The following SLC36A1 variants were observed in gnomAD, a reference collection of about 807,000 sequenced individuals.
SLC36A1 encodes proton-coupled amino acid transporter 1.
Under a neutral mutation model 47.5 loss-of-function variants are expected in SLC36A1, and 30 were observed. That is an observed-to-expected ratio of 0.63 (90% CI 0.47 to 0.86). The LOEUF (loss-of-function observed/expected upper bound fraction) is 0.86, where lower values mean the gene tolerates loss of function less well. Ranked by LOEUF, SLC36A1 falls within the 40% of genes least tolerant of loss-of-function variation. The pLI is 0.00. For missense variants in SLC36A1, 517 were observed against 606.0 expected, an observed-to-expected ratio of 0.85 and a Z score of 1.54; for synonymous variants, 255 against 249.7, an observed-to-expected ratio of 1.02 and a Z score of -0.20.
the SLC36A1 span, chr5:151,510,815 GT>G: frequency 6.6e-6 from 1 of 152,374 alleles, no homozygotes; most frequent in Non-Finnish European, 1.5e-5. Flanking sequence ...AAAGAGAAAG[GT>G]GTTTCAGGCG....
intron 7 of SLC36A1, among the ~76,000 whole-genome samples, chr5:151,469,746 G>T (rs1028892645): frequency 6.6e-6 from 1 of 151,636 alleles, no homozygotes; most frequent in South Asian, 2.1e-4. Context: ...AATACTGGAT[G>T]TATTAGTATT....
chr5:151,476,694 G>A lies in SLC36A1; in HGVS notation c.927G>A (p.Leu309=), dbSNP rs1758104011. 6.2e-7 allele frequency: 1 copy of A among 1,613,522 alleles called. No homozygotes were observed. Among genetic ancestry groups the A allele is most frequent in the Admixed American group, 1.7e-5 (1 of 59,980 alleles). ...TCCTCTACATCAGCCTGGGGTGTCT[G>A]GGGTACCTGCAATTTGGAGCTAATA... ...VTILYISLGC[L]GYLQFGANIQ... The change falls in exon 9 of 11, where the codon CTG becomes CTA. Residue 309 remains leucine (L), a synonymous_variant. Coordinates refer to ENST00000243389, the MANE Select transcript of SLC36A1 (RefSeq NM_078483.4).
the SLC36A1 span, among the ~76,000 whole-genome samples, chr5:151,515,021 C>T: frequency 6.6e-6 from 1 of 152,052 alleles, no homozygotes; most frequent in Non-Finnish European, 1.5e-5. Flanking sequence ...GTTTTCCAGC[C>T]AGATATTTTC....
the SLC36A1 span, among the ~76,000 whole-genome samples, chr5:151,431,962 A>T: frequency 6.6e-6 from 1 of 152,210 alleles, no homozygotes; most frequent in African/African-American, 2.4e-5. Context: ...CCTTGCCCAG[A>T]GTGGCACAGA....
At chr5:151,544,799 C>T in the SLC36A1 span, 11 of 1,614,090 alleles carry the variant, frequency 6.8e-6, no homozygotes, top group Non-Finnish European at 9.3e-6. Context: ...TAATCTTCTG[C>T]AAATTCATAT....
At chr5:151,482,410 A>G (rs1165878444) in intron 10 of SLC36A1, among the ~76,000 whole-genome samples, 1 of 152,162 alleles carries the variant, frequency 6.6e-6, no homozygotes. Context: ...TTTGCGCTTG[A>G]TTTTAAGTTT....
chr5:151,523,963 G>A, the SLC36A1 span, among the ~76,000 whole-genome samples: 7 of 151,928 alleles, frequency 4.6e-5, no homozygotes, highest in African/African-American at 1.5e-4. Context: ...CTTTCTAACT[G>A]CACATCCACT....
the SLC36A1 span, among the ~76,000 whole-genome samples, chr5:151,431,733 C>T: frequency 2.6e-5 from 4 of 152,332 alleles, 1 homozygote; most frequent in Admixed American, 2.6e-4. Flanking sequence ...GACTGTGGGG[C>T]CTTCCCAGCC....
At chr5:151,487,912 G>A (rs969767994) in intron 10 of SLC36A1, 71 bp from the exon 11 acceptor site, 8 of 1,543,782 alleles carry the variant, frequency 5.2e-6, no homozygotes, top group South Asian at 4.7e-5. Context: ...TGCTGAATTC[G>A]CTCAACAGTA....
chr5:151,402,916 T>C, the SLC36A1 span, among the ~76,000 whole-genome samples: 2 of 152,220 alleles, frequency 1.3e-5, no homozygotes, highest in African/African-American at 4.8e-5. Flanking sequence ...TTAATCTTGC[T>C]AGTGGTCTGT....
At chr5:151,532,026 C>CT in the SLC36A1 span, 3 of 1,585,582 alleles carry the variant, frequency 1.9e-6, no homozygotes, top group Non-Finnish European at 2.6e-6. Context: ...CTGGACCTGC[C>CT]TGCAGCAAAC....
the SLC36A1 span, chr5:151,347,586 A>G: frequency 1.6e-6 from 2 of 1,256,640 alleles, no homozygotes; most frequent in Non-Finnish European, 2.3e-6. Context: ...GGCTCTGGCC[A>G]AGCTGGAACG....
the SLC36A1 span, chr5:151,549,512 G>A: frequency 3.1e-6 from 5 of 1,613,472 alleles, no homozygotes; most frequent in Non-Finnish European, 4.2e-6. Context: ...GGACCTATGG[G>A]CCCAAAGGGG....
At chr5:151,388,045 G>A in the SLC36A1 span, among the ~76,000 whole-genome samples, 1 of 152,108 alleles carries the variant, frequency 6.6e-6, no homozygotes. Flanking sequence ...TTCTTGCAGG[G>A]GAAAAAAGTC....
chr5:151,457,436 A>C (rs1212335214), intron 1 of SLC36A1, among the ~76,000 whole-genome samples: 1 of 152,108 alleles, frequency 6.6e-6, no homozygotes, highest in African/African-American at 2.4e-5. Flanking sequence ...TAGTATTAAT[A>C]GTATTCCTGA....
At position 151,458,812 on chromosome 5, in the gene SLC36A1, G is replaced by A. The variant is rs199948845; in HGVS notation, c.20G>A (p.Arg7Gln). 1.2e-5 allele frequency: 20 copies of A among 1,613,962 alleles called. No homozygotes were observed. Among genetic ancestry groups the A allele is most frequent in the Non-Finnish European group, 1.5e-5 (18 of 1,179,940 alleles). The change falls in exon 2 of 11, where the codon CGG (arginine) becomes CAG (glutamine). Residue 7 changes from arginine to glutamine, a missense_variant. Transcript: ENST00000243389. ...GCTGCCATGTCCACGCAGAGACTTC[G>A]GAATGAAGACTACCACGACTACAGC... MSTQRL[R>Q]NEDYHDYSST...
chr5:151,388,210 A>C, the SLC36A1 span, among the ~76,000 whole-genome samples: 1 of 152,136 alleles, frequency 6.6e-6, no homozygotes, highest in Non-Finnish European at 1.5e-5. Flanking sequence ...CATCTGCATG[A>C]TAAGAACCTT....
intron 10 of SLC36A1, among the ~76,000 whole-genome samples, chr5:151,486,966 G>A (rs1759646920): frequency 6.6e-6 from 1 of 152,166 alleles, no homozygotes; most frequent in Non-Finnish European, 1.5e-5. Context: ...AACCTCATTT[G>A]ACCATCATGA....
chr5:151,533,396 ACACAC>A, the SLC36A1 span, among the ~76,000 whole-genome samples: 8 of 70,202 alleles, frequency 1.1e-4, no homozygotes, highest in East Asian at 5.0e-4. Context: ...TATCTCCAAC[ACACAC>A]ACACACACAC....
Sources: gnomAD v4.1 joint callset for allele counts (sites outside exome capture counted in the v4.1 genomes callset) on GRCh38, gnomAD v4.1.1 for gene constraint, MANE v1.5 for transcripts, NCBI Gene and HGNC (gene_info 2026-07-23, HGNC 2026-07-21) for gene names.